The following ADCY1 variants were observed in gnomAD, a reference collection of about 807,000 sequenced individuals.
ADCY1 encodes the protein adenylate cyclase type 1.
Under a neutral mutation model 105.4 loss-of-function variants are expected in ADCY1, and 28 were observed. That is an observed-to-expected ratio of 0.27 (90% CI 0.20 to 0.36). ADCY1 has a LOEUF of 0.36. Among genes scored for constraint, ADCY1 ranks in the 10% least tolerant of loss-of-function variants. The pLI, the probability that ADCY1 is intolerant of heterozygous loss-of-function variation, is 1.00. For synonymous variants in ADCY1, 655 were observed against 623.8 expected, an observed-to-expected ratio of 1.05 and a Z score of -0.75; for missense variants, 977 against 1,434.2, an observed-to-expected ratio of 0.68 and a Z score of 5.15.
At chr7:45,601,808 C>G (rs1793247276) in intron 2 of ADCY1, among the ~76,000 whole-genome samples, 1 of 152,078 alleles carries the variant, frequency 6.6e-6, no homozygotes, top group Middle Eastern at 3.2e-3. Context: ...TGGCCCTCAC[C>G]TTCCAGACAT....
At chr7:45,669,387 A>T (rs1047586830) in intron 8 of ADCY1, among the ~76,000 whole-genome samples, 3 of 151,996 alleles carry the variant, frequency 2.0e-5, no homozygotes, top group African/African-American at 7.2e-5. Flanking sequence ...TTCATTATGT[A>T]CCCAGTAGTC....
chr7:45,610,776 G>C (rs1236189923), intron 3 of ADCY1, among the ~76,000 whole-genome samples: 4 of 146,758 alleles, frequency 2.7e-5, no homozygotes, highest in Non-Finnish European at 4.6e-5. Context: ...GATAGTGGAG[G>C]TGTGGGGGTG....
chr7:45,580,261 T>C (rs1246798373), intron 1 of ADCY1, among the ~76,000 whole-genome samples: 1 of 152,166 alleles, frequency 6.6e-6, no homozygotes, highest in African/African-American at 2.4e-5. Context: ...GGGGCTGCAC[T>C]GTGGAAGGAG....
chr7:45,655,419 G>A lies in ADCY1; in HGVS notation c.1149-2308G>A, dbSNP rs544185850. On this transcript the variant is annotated intron_variant, in intron 5 of 19. Coordinates refer to ENST00000297323, the MANE Select transcript of ADCY1 (RefSeq NM_021116.4). ...AGAGCACAAGTAAAGAAAAAACATA[G>A]TACAAATAAAGCCAAGAAAGTCCGT... Among the ~76,000 whole-genome samples the A allele has an allele frequency of 5.9e-5, 9 of 152,326 alleles. No individual in the cohort carries two copies. In the East Asian group the frequency reaches 1.7e-3, roughly 29 times the overall value.
chr7:45,721,992 A>G lies in ADCY1; in HGVS notation c.*7997A>G. On this transcript the variant is annotated 3_prime_UTR_variant, in exon 20 of 20. Transcript: ENST00000297323. ...GCAGGACTGTGCAACAGTAGCCCAGAGCATCCTGCCTGTGGGCATCCACCT... is the reference window on the plus strand; with the variant it reads ...GCAGGACTGTGCAACAGTAGCCCAGGGCATCCTGCCTGTGGGCATCCACCT... The G allele has an allele frequency of 5.1e-6, 2 of 395,696 alleles. No homozygotes were observed. Among genetic ancestry groups the G allele is most frequent in the Admixed American group, 4.4e-5 (1 of 22,630 alleles). The allele number at this position is 395,696 out of a possible 1,614,324, so 24.5% of individuals were successfully genotyped here.
chr7:45,598,642 G>A (rs1793138921), intron 2 of ADCY1, among the ~76,000 whole-genome samples: 2 of 152,244 alleles, frequency 1.3e-5, no homozygotes, highest in South Asian at 2.1e-4. Context: ...AAGATGATCC[G>A]CAAAGAAAAA....
chr7:45,643,113 C>CTT (rs528070607), intron 4 of ADCY1, among the ~76,000 whole-genome samples: 2,535 of 109,108 alleles, frequency 0.023, 72 homozygotes, highest in South Asian at 0.13. Flanking sequence ...TGTTTTCTGT[C>CTT]TTTTTTTTTT....
intron 7 of ADCY1, among the ~76,000 whole-genome samples, chr7:45,661,192 T>C (rs781193579): frequency 8.6e-5 from 13 of 152,022 alleles, no homozygotes; most frequent in Non-Finnish European, 1.5e-4. Flanking sequence ...GTCCTGTAGT[T>C]TGAGGGTGAA....
rs888001890 is a variant in ADCY1, at chr7:45,721,451, G to T, written c.*7456G>T. Reference sequence around the variant, plus strand: ...AATATACAGAATCTCCTTAAGAGCTGTTGCCTTATTTTTTTGTAAAGCCTC... The same window carrying T: ...AATATACAGAATCTCCTTAAGAGCTTTTGCCTTATTTTTTTGTAAAGCCTC... On this transcript the variant is annotated 3_prime_UTR_variant, in exon 20 of 20. Transcript: ENST00000297323. 85 of 387,270 alleles carry T rather than the reference G, an allele frequency of 2.2e-4. No individual in the cohort carries two copies. Among genetic ancestry groups the T allele is most frequent in the African/African-American group, 1.7e-3 (84 of 48,582 alleles). The allele number at this position is 387,270 out of a possible 1,614,324, so 24.0% of individuals were successfully genotyped here.
At chr7:45,634,974 T>C (rs983039160) in intron 4 of ADCY1, among the ~76,000 whole-genome samples, 3 of 152,222 alleles carry the variant, frequency 2.0e-5, no homozygotes, top group African/African-American at 7.2e-5. Context: ...TTGGGAACAT[T>C]TCCTTTTGTT....
At chr7:45,685,457 G>T (rs1262172271) in intron 12 of ADCY1, among the ~76,000 whole-genome samples, 1 of 151,666 alleles carries the variant, frequency 6.6e-6, no homozygotes, top group African/African-American at 2.4e-5. Context: ...TTTGTAGTGG[G>T]AGTAACAGGA....
rs570899072 is a variant in ADCY1 at position 45,721,715 on chromosome 7, G to A, written c.*7720G>A. 7 of 398,668 alleles carry A rather than the reference G, an allele frequency of 1.8e-5. No individual in the cohort carries two copies. The South Asian group carries it at 3.8e-4, about 22-fold the overall frequency. 24.7% of individuals were successfully genotyped at this position (398,668 alleles called of 1,614,324 possible). On this transcript the variant is annotated 3_prime_UTR_variant, in exon 20 of 20. Coordinates refer to ENST00000297323, the MANE Select transcript of ADCY1 (RefSeq NM_021116.4). ...TCCCAGGGGTTAGAGGATGTTCAAA[G>A]GGCCGATTTCAGCAGGAGTTCAGAG...
At chr7:45,711,706 CAT>C (rs1247296113) in intron 19 of ADCY1, among the ~76,000 whole-genome samples, 8 of 128,870 alleles carry the variant, frequency 6.2e-5, no homozygotes, top group East Asian at 2.2e-4. Flanking sequence ...TGTATATATA[CAT>C]ATATGTGTGT....
Position 45,721,976 on chromosome 7 carries a change from T to C in ADCY1, c.*7981T>C. 1 of 396,620 alleles carries C rather than the reference T, an allele frequency of 2.5e-6. No individual in the cohort carries two copies. 24.6% of individuals were successfully genotyped at this position (396,620 alleles called of 1,614,324 possible). A position where few individuals can be genotyped will look rare whatever the true frequency, so the allele number is the denominator to read the frequency against. On this transcript the variant is annotated 3_prime_UTR_variant, in exon 20 of 20. Coordinates refer to ENST00000297323, the MANE Select transcript of ADCY1 (RefSeq NM_021116.4). ...TGAATAAATATCTCGTGCAGGACTG[T>C]GCAACAGTAGCCCAGAGCATCCTGC...
chr7:45,688,225 A>G (rs1214260055), intron 14 of ADCY1, among the ~76,000 whole-genome samples: 2 of 152,238 alleles, frequency 1.3e-5, no homozygotes, highest in East Asian at 1.9e-4. Context: ...TGATAGGTCA[A>G]TCTGTCTTTC....
intron 14 of ADCY1, among the ~76,000 whole-genome samples, chr7:45,697,713 C>A (rs1208584139): frequency 6.6e-6 from 1 of 152,192 alleles, no homozygotes; most frequent in African/African-American, 2.4e-5. Context: ...AAAATGGCAT[C>A]CCCATCTTGC....
intron 7 of ADCY1, among the ~76,000 whole-genome samples, chr7:45,661,485 G>A (rs1416035703): frequency 6.6e-6 from 1 of 152,108 alleles, no homozygotes; most frequent in South Asian, 2.1e-4. Context: ...AACGATGACA[G>A]TGGAGCATTC....
At chr7:45,646,162 G>A (rs1794659355) in intron 4 of ADCY1, among the ~76,000 whole-genome samples, 1 of 152,118 alleles carries the variant, frequency 6.6e-6, no homozygotes, top group Non-Finnish European at 1.5e-5. Flanking sequence ...GTGCCAATGG[G>A]GACAGGGTAG....
At chr7:45,586,245 A>G (rs902636056) in intron 1 of ADCY1, among the ~76,000 whole-genome samples, 12 of 151,370 alleles carry the variant, frequency 7.9e-5, no homozygotes, top group South Asian at 2.1e-4. Flanking sequence ...CGGCCCTAAC[A>G]CCCCCTTGGA....
Sources: gnomAD v4.1 joint callset for allele counts (sites outside exome capture counted in the v4.1 genomes callset) on GRCh38, gnomAD v4.1.1 for gene constraint, MANE v1.5 for transcripts, NCBI Gene and HGNC (gene_info 2026-07-23, HGNC 2026-07-21) for gene names.